The following KCNQ5 variants were observed in gnomAD, a reference collection of about 807,000 sequenced individuals.
KCNQ5 encodes potassium voltage-gated channel subfamily Q member 5, also known as potassium voltage-gated channel subfamily KQT member 5.
In KCNQ5, 30 loss-of-function variants were observed where a neutral mutation model predicts 98.2. The ratio of observed to expected loss-of-function variants is 0.31; its 90% CI spans 0.23 to 0.41. KCNQ5 has a LOEUF of 0.41. Ranked by LOEUF, KCNQ5 falls within the 10% of genes least tolerant of loss-of-function variation. The pLI, the probability that KCNQ5 is intolerant of heterozygous loss-of-function variation, is 1.00. For missense variants in KCNQ5, 835 were observed against 1,182.5 expected (o/e 0.71, Z 4.31); for synonymous variants, 458 against 449.4 (o/e 1.02, Z -0.24).
chr6:73,099,642 T>C (rs188772831), intron 5 of KCNQ5, among the ~76,000 whole-genome samples: 4 of 152,058 alleles, frequency 2.6e-5, no homozygotes, highest in Non-Finnish European at 5.9e-5. Flanking sequence ...CAACTATAAA[T>C]ATATATGCAC....
chr6:73,174,082 C>CTT (rs202158532), intron 11 of KCNQ5, among the ~76,000 whole-genome samples: 2 of 137,322 alleles, frequency 1.5e-5, no homozygotes, highest in South Asian at 4.8e-4. Flanking sequence ...CAAGGCTACT[C>CTT]TTTTTTTTTT....
chr6:72,917,438 CA>C (rs1285807849), intron 1 of KCNQ5, among the ~76,000 whole-genome samples: 9 of 150,342 alleles, frequency 6.0e-5, no homozygotes, highest in African/African-American at 2.0e-4. Context: ...GCCCCCCCAC[CA>C]TTTTTTTATT....
chr6:73,108,341 T>C (rs911933316), intron 6 of KCNQ5, among the ~76,000 whole-genome samples: 3 of 152,146 alleles, frequency 2.0e-5, no homozygotes. Context: ...AGTATTTTCA[T>C]TGATGAAGAA....
chr6:73,010,301 G>A (rs1352996791), intron 2 of KCNQ5, among the ~76,000 whole-genome samples: 1 of 151,940 alleles, frequency 6.6e-6, no homozygotes, highest in African/African-American at 2.4e-5. Context: ...AAAAAATTCA[G>A]TACCCTTCTA....
chr6:73,195,552 T>A lies in KCNQ5; in HGVS notation c.*138T>A. On this transcript the variant is annotated 3_prime_UTR_variant, in exon 14 of 14. Coordinates refer to ENST00000370398, the MANE Select transcript of KCNQ5 (RefSeq NM_019842.4). ...AAAGGCAGTTTATAAGCCCGTTACC[T>A]TTTAATTGCATGAAAATGCATGTTT... The A allele has an allele frequency of 9.2e-7, 1 of 1,086,240 alleles. No homozygotes were observed. The highest frequency in any genetic ancestry group is 1.3e-6 in the Non-Finnish European group (1 of 765,582). The allele number at this position is 1,086,240 out of a possible 1,614,324, so 67.3% of individuals were successfully genotyped here.
chr6:72,838,949 C>CAAAAAAAAAA (rs67894922), intron 1 of KCNQ5, among the ~76,000 whole-genome samples: 11 of 58,716 alleles, frequency 1.9e-4, no homozygotes, highest in South Asian at 9.7e-4. Context: ...GACTCCGTCT[C>CAAAAAAAAAA]AAAAAAAAAA....
intron 3 of KCNQ5, among the ~76,000 whole-genome samples, chr6:73,045,194 C>G (rs1376475008): frequency 6.6e-6 from 1 of 152,160 alleles, no homozygotes; most frequent in African/African-American, 2.4e-5. Flanking sequence ...ATTTCAAAAG[C>G]CCACTGATCT....
intron 3 of KCNQ5, among the ~76,000 whole-genome samples, chr6:73,060,054 C>A (rs1039652699): frequency 6.6e-6 from 1 of 152,122 alleles, no homozygotes; most frequent in Non-Finnish European, 1.5e-5. Context: ...AAAATTGCCA[C>A]CAAGACCCAG....
chr6:73,105,535 A>G (rs1774965059), intron 6 of KCNQ5, among the ~76,000 whole-genome samples, 168 bp downstream of exon 6: 1 of 152,244 alleles, frequency 6.6e-6, no homozygotes, highest in Non-Finnish European at 1.5e-5. Flanking sequence ...TAATTTATAA[A>G]ATATGGTCTT....
At chr6:73,127,921 T>A (rs1308808386) in intron 9 of KCNQ5, among the ~76,000 whole-genome samples, 1 of 152,092 alleles carries the variant, frequency 6.6e-6, no homozygotes, top group African/African-American at 2.4e-5. Flanking sequence ...AAAAATTAGT[T>A]GGGCGTGGTG....
intron 1 of KCNQ5, among the ~76,000 whole-genome samples, chr6:72,645,204 C>CAAAAAA (rs771967081): frequency 2.6e-5 from 3 of 117,162 alleles, no homozygotes; most frequent in South Asian, 2.6e-4. Context: ...ACCTTGTCAC[C>CAAAAAA]AAAAAAAAAC....
chr6:72,858,356 G>A (rs1250091325), intron 1 of KCNQ5, among the ~76,000 whole-genome samples: 1 of 152,062 alleles, frequency 6.6e-6, no homozygotes, highest in Non-Finnish European at 1.5e-5. Flanking sequence ...GCTGAGATCA[G>A]ATGTTCCTGT....
chr6:72,724,485 T>G (rs372517872), intron 1 of KCNQ5, among the ~76,000 whole-genome samples: 1 of 152,240 alleles, frequency 6.6e-6, no homozygotes, highest in Admixed American at 6.5e-5. Context: ...TCTTTCTGTA[T>G]TCTTCCTAGA....
chr6:73,029,528 A>T (rs1010711353), intron 2 of KCNQ5, among the ~76,000 whole-genome samples: 3 of 150,902 alleles, frequency 2.0e-5, no homozygotes, highest in Admixed American at 2.0e-4. Context: ...ATAGAAACAT[A>T]TTGATTCTTA....
intron 11 of KCNQ5, among the ~76,000 whole-genome samples, chr6:73,182,457 T>C (rs1778435735): frequency 2.0e-5 from 3 of 152,164 alleles, no homozygotes; most frequent in Non-Finnish European, 2.9e-5. Context: ...ATGTGAGAAC[T>C]AAGCATGAAA....
chr6:72,729,580 T>G (rs982118582), intron 1 of KCNQ5, among the ~76,000 whole-genome samples: 2 of 151,992 alleles, frequency 1.3e-5, no homozygotes, highest in Non-Finnish European at 2.9e-5. Flanking sequence ...GGTTTATGAG[T>G]TTTTAATTTT....
chr6:73,190,720 G>A lies in KCNQ5; in HGVS notation c.1709+16G>A, dbSNP rs374713121. 2.0e-6 allele frequency: 3 copies of A among 1,505,602 alleles called. No individual in the cohort carries two copies. Among genetic ancestry groups the A allele is most frequent in the South Asian group, 1.4e-5 (1 of 71,650 alleles). The allele number at this position is 1,505,602 out of a possible 1,614,324, so 93.3% of individuals were successfully genotyped here. ...TTCAAACACGGTAAGCAATGGAAAT[G>A]TCATTCCTTGTAAAGGAATGGGCAT... On this transcript the variant is annotated intron_variant, in intron 12 of 13. Transcript: ENST00000370398.
intron 1 of KCNQ5, among the ~76,000 whole-genome samples, chr6:72,676,744 A>ATACAAATTTTACTCTGGTTCCTTATG: frequency 8.9e-6 from 1 of 111,914 alleles, no homozygotes; most frequent in Non-Finnish European, 2.1e-5. Context: ...CTGGGCATAT[A>ATACAAATTTTACTCTGGTTCCTTATG]AAATGCTGAT....
intron 10 of KCNQ5, among the ~76,000 whole-genome samples, chr6:73,167,692 G>A (rs958595212): frequency 9.9e-5 from 15 of 152,188 alleles, no homozygotes; most frequent in Admixed American, 2.0e-4. Flanking sequence ...GCCTGAGACT[G>A]GATAACCAGT....
Sources: allele counts gnomAD v4.1 joint callset (sites outside exome capture counted in the v4.1 genomes callset), GRCh38; gene constraint gnomAD v4.1.1; transcripts MANE v1.5; gene names NCBI Gene and HGNC (gene_info 2026-07-23, HGNC 2026-07-21).